MTCL2: variants seen among roughly 807,000 people sequenced by gnomAD.
The protein encoded by MTCL2 is microtubule cross-linking factor 2.
the MTCL2 span, among the ~76,000 whole-genome samples, chr20:36,854,289 A>C: frequency 6.6e-6 from 1 of 152,184 alleles, no homozygotes; most frequent in Non-Finnish European, 1.5e-5. Context: ...ATGCAGGGAA[A>C]GGTGGGGCAG....
the MTCL2 span, chr20:36,781,079 T>A: frequency 1.3e-5 from 2 of 152,240 alleles, no homozygotes; most frequent in Admixed American, 1.3e-4. Context: ...CTTGCTTTTT[T>A]ACTTCTTATT....
chr20:36,793,280 T>A, the MTCL2 span: 3 of 1,551,712 alleles, frequency 1.9e-6, no homozygotes, highest in Non-Finnish European at 2.6e-6. The surrounding 1 kb of genome is among the most constrained non-coding windows in gnomAD (Gnocchi z 6.8). Context: ...TCCATCTCCG[T>A]CCCGGAGGAC....
the MTCL2 span, chr20:36,794,369 A>G: frequency 1.2e-6 from 2 of 1,611,294 alleles, no homozygotes; most frequent in Non-Finnish European, 1.7e-6. The surrounding 1 kb of genome is among the most constrained non-coding windows in gnomAD (Gnocchi z 5.4). Flanking sequence ...GCTGCGCTGC[A>G]TCTGCCTCCC....
the MTCL2 span, among the ~76,000 whole-genome samples, chr20:36,842,807 G>T: frequency 6.6e-6 from 1 of 152,062 alleles, no homozygotes; most frequent in Non-Finnish European, 1.5e-5. Context: ...AGTCACCAGG[G>T]ATGAATGACC....
chr20:36,781,417 T>TCCCAGTTA, the MTCL2 span: 1 of 151,874 alleles, frequency 6.6e-6, no homozygotes, highest in African/African-American at 2.4e-5. Flanking sequence ...ACACCTGTAA[T>TCCCAGTTA]CCCAGTTACT....
At chr20:36,804,957 AC>A in the MTCL2 span, 7 of 1,582,354 alleles carry the variant, frequency 4.4e-6, no homozygotes, top group Admixed American at 3.4e-5. Context: ...AGGGAGGGGA[AC>A]CTGGGTTCAG....
the MTCL2 span, chr20:36,786,687 A>C: frequency 6.7e-7 from 1 of 1,486,748 alleles, no homozygotes; most frequent in East Asian, 2.5e-5. Flanking sequence ...GCCAGGAGAC[A>C]TGGACCACCA....
At chr20:36,834,520 G>C in the MTCL2 span, among the ~76,000 whole-genome samples, 2 of 152,070 alleles carry the variant, frequency 1.3e-5, no homozygotes, top group African/African-American at 4.8e-5. Context: ...AATGTATGTT[G>C]TGAACAAGCC....
chr20:36,813,752 CAAA>C, the MTCL2 span, among the ~76,000 whole-genome samples: 2 of 65,846 alleles, frequency 3.0e-5, no homozygotes, highest in Admixed American at 4.5e-4. Flanking sequence ...GACTCTGTCT[CAAA>C]AAAAAAAAAA....
the MTCL2 span, chr20:36,796,921 G>C: frequency 6.2e-7 from 1 of 1,613,994 alleles, no homozygotes; most frequent in Non-Finnish European, 8.5e-7. Context: ...TTCGGAAACA[G>C]CCTCCTTGTC....
the MTCL2 span, among the ~76,000 whole-genome samples, chr20:36,826,340 T>C: frequency 0.014 from 7 of 484 alleles, no homozygotes; most frequent in African/African-American, 0.018. Context: ...CCTCCCCCTC[T>C]CCCTCCCCCT....
the MTCL2 span, among the ~76,000 whole-genome samples, chr20:36,811,196 G>A: frequency 6.6e-6 from 1 of 152,190 alleles, no homozygotes; most frequent in Non-Finnish European, 1.5e-5. Context: ...CATACTGTCT[G>A]CTGTCCCTGG....
the MTCL2 span, among the ~76,000 whole-genome samples, chr20:36,844,926 G>A: frequency 3.3e-5 from 5 of 149,344 alleles, no homozygotes; most frequent in Non-Finnish European, 7.4e-5. Context: ...CAGGAGAATT[G>A]CTTGAACCCA....
the MTCL2 span, chr20:36,863,358 G>A: frequency 3.4e-6 from 4 of 1,165,818 alleles, no homozygotes; most frequent in Non-Finnish European, 3.2e-6. The surrounding 1 kb of genome is among the most constrained non-coding windows in gnomAD (Gnocchi z 6.2). Flanking sequence ...GGCCTCCCTC[G>A]GCCTCAGCGA....
At chr20:36,777,888 C>A in the MTCL2 span, 1 of 611,018 alleles carries the variant, frequency 1.6e-6, no homozygotes, top group East Asian at 3.4e-5. Flanking sequence ...TACAAGGTAT[C>A]CCTGGGGTTG....
At chr20:36,804,954 G>A in the MTCL2 span, 2 of 1,585,886 alleles carry the variant, frequency 1.3e-6, no homozygotes, top group Non-Finnish European at 8.6e-7. Flanking sequence ...GGTAGGGAGG[G>A]GAACCTGGGT....
chr20:36,819,964 G>A, the MTCL2 span, among the ~76,000 whole-genome samples: 2 of 152,198 alleles, frequency 1.3e-5, no homozygotes, highest in African/African-American at 4.8e-5. Flanking sequence ...CAAGAGCCAG[G>A]AGGCAGCAGA....
At chr20:36,822,891 G>A in the MTCL2 span, among the ~76,000 whole-genome samples, 6 of 152,022 alleles carry the variant, frequency 3.9e-5, no homozygotes, top group East Asian at 3.9e-4. Context: ...CTGAGTAGCC[G>A]AGACTACAGG....
At chr20:36,812,050 T>C in the MTCL2 span, among the ~76,000 whole-genome samples, 3 of 152,084 alleles carry the variant, frequency 2.0e-5, no homozygotes, top group Non-Finnish European at 2.9e-5. Flanking sequence ...ACTCTAACCC[T>C]CCCGTTACAG....
Sources: allele counts gnomAD v4.1 joint callset (sites outside exome capture counted in the v4.1 genomes callset), GRCh38; gene constraint gnomAD v4.1.1; non-coding constraint Gnocchi (gnomAD v3.1); transcripts MANE v1.5; gene names NCBI Gene and HGNC (gene_info 2026-07-23, HGNC 2026-07-21).